Variants in NSUN6 observed in about 807,000 individuals in gnomAD.
The protein encoded by NSUN6 is NOP2/Sun RNA methyltransferase 6.
Under a neutral mutation model 58.0 loss-of-function variants are expected in NSUN6, and 64 were observed. The observed-to-expected ratio is 1.10, with a 90% CI of 0.90 to 1.36. NSUN6 has a LOEUF of 1.36. Among genes scored for constraint, NSUN6 ranks in the 40% most tolerant of loss-of-function variants. NSUN6 has a pLI of 0.00. For missense variants in NSUN6, 701 were observed against 550.1 expected (o/e 1.27, Z -2.74); for synonymous variants, 231 against 193.9 (o/e 1.19, Z -1.59).
intron 8 of NSUN6, among the ~76,000 whole-genome samples, chr10:18,574,077 T>C (rs1334639876): frequency 6.6e-6 from 1 of 152,066 alleles, no homozygotes; most frequent in African/African-American, 2.4e-5. Context: ...TTTGTTAATG[T>C]GGACAGTGGA....
At chr10:18,658,760 T>C (rs373984645), upstream of NSUN6, 2 of 462,314 alleles carry the variant, frequency 4.3e-6, no homozygotes, top group East Asian at 1.5e-4. Flanking sequence ...CCCACCACTT[T>C]GGGAAGTCGA....
At chr10:18,552,242 A>T (rs2054652315) in intron 8 of NSUN6, among the ~76,000 whole-genome samples, 1 of 152,102 alleles carries the variant, frequency 6.6e-6, no homozygotes, top group Non-Finnish European at 1.5e-5. Context: ...TCTACCCCAA[A>T]CTTCAGAAGC....
chr10:18,576,015 T>C (rs1173896587), intron 8 of NSUN6, among the ~76,000 whole-genome samples: 2 of 152,060 alleles, frequency 1.3e-5, no homozygotes, highest in African/African-American at 4.8e-5. Context: ...TCCTAACTAC[T>C]GAAACCACAG....
chr10:18,611,784 T>C (rs188887770), intron 5 of NSUN6, among the ~76,000 whole-genome samples: 49 of 152,094 alleles, frequency 3.2e-4, no homozygotes, highest in African/African-American at 1.0e-3. Context: ...TTGCCCAGAC[T>C]GGCATCAAAC....
At chr10:18,555,172 G>T (rs2054897835) in intron 8 of NSUN6, among the ~76,000 whole-genome samples, 1 of 151,238 alleles carries the variant, frequency 6.6e-6, no homozygotes, top group African/African-American at 2.4e-5. Flanking sequence ...GAATGGAATG[G>T]AGGATGGAAT....
chr10:18,610,136 A>G (rs889017110), intron 5 of NSUN6, among the ~76,000 whole-genome samples: 5 of 152,162 alleles, frequency 3.3e-5, no homozygotes, highest in African/African-American at 1.2e-4. Flanking sequence ...CCCGACCAAC[A>G]TGGAGAAACC....
In NSUN6 at chr10:18,651,514, C is replaced by G. The variant is rs2059705372; in HGVS notation, c.-311G>C. ...AAAAAAAGAAAAAAATGCTTAGTAA[C>G]TGAATCCGTGGTGAAACGGACGCAG... is the stretch of plus-strand genomic sequence containing the variant. On this transcript the variant is annotated 5_prime_UTR_variant, in exon 1 of 11. Coordinates refer to ENST00000377304, the MANE Select transcript of NSUN6 (RefSeq NM_182543.5). The G allele has an allele frequency of 4.8e-6, 5 of 1,045,056 alleles. No homozygotes were observed. Among genetic ancestry groups the G allele is most frequent in the Non-Finnish European group, 5.8e-6 (5 of 869,448 alleles). 64.7% of individuals were successfully genotyped at this position (1,045,056 alleles called of 1,614,324 possible).
At chr10:18,595,636 C>G (rs1314357764) in intron 7 of NSUN6, among the ~76,000 whole-genome samples, 1 of 152,142 alleles carries the variant, frequency 6.6e-6, no homozygotes, top group Admixed American at 6.5e-5. Flanking sequence ...CAAGTATATC[C>G]TCTCTAATGA....
intron 7 of NSUN6, among the ~76,000 whole-genome samples, chr10:18,587,228 C>A (rs1490991632): frequency 6.6e-6 from 1 of 152,196 alleles, no homozygotes; most frequent in African/African-American, 2.4e-5. Flanking sequence ...TCTGGAACAA[C>A]ATGAGCTAAT....
At chr10:18,552,038 T>A in intron 8 of NSUN6, 67 bp from the exon 9 acceptor site, 1 of 849,188 alleles carries the variant, frequency 1.2e-6, no homozygotes, top group Non-Finnish European at 1.8e-6. Context: ...ACTCCTGAGA[T>A]GAGCAGGAAT....
At chr10:18,588,789 T>C (rs1431950416) in intron 7 of NSUN6, among the ~76,000 whole-genome samples, 1 of 152,210 alleles carries the variant, frequency 6.6e-6, no homozygotes, top group Non-Finnish European at 1.5e-5. Flanking sequence ...ATCAAAGGTA[T>C]ATAAATCCAT....
At chr10:18,565,714 T>G (rs1186133448) in intron 8 of NSUN6, among the ~76,000 whole-genome samples, 2 of 150,662 alleles carry the variant, frequency 1.3e-5, no homozygotes, top group African/African-American at 4.9e-5. Context: ...TGCCATTCCA[T>G]TCTCTATTAT....
intron 8 of NSUN6, among the ~76,000 whole-genome samples, chr10:18,569,854 T>C (rs1380721402): frequency 6.7e-6 from 1 of 150,124 alleles, no homozygotes; most frequent in Non-Finnish European, 1.5e-5. Flanking sequence ...TTCCATCCCA[T>C]TCCGCATTCC....
At chr10:18,596,809 A>G (rs1215318686) in intron 6 of NSUN6, among the ~76,000 whole-genome samples, 1 of 152,174 alleles carries the variant, frequency 6.6e-6, no homozygotes, top group Non-Finnish European at 1.5e-5. Flanking sequence ...TAGACATATC[A>G]TCTGAGAGTA....
At chr10:18,636,782 C>T (rs1468649246) in intron 3 of NSUN6, among the ~76,000 whole-genome samples, 1 of 151,856 alleles carries the variant, frequency 6.6e-6, no homozygotes, top group Non-Finnish European at 1.5e-5. Context: ...GTCCCAGCTA[C>T]TCGGGAGGCT....
intron 3 of NSUN6, among the ~76,000 whole-genome samples, chr10:18,627,469 C>A (rs61663155): frequency 1.3e-4 from 20 of 152,142 alleles, no homozygotes; most frequent in Admixed American, 9.1e-4. Context: ...ACGCAGAAGA[C>A]GGGTGATTTC....
intron 5 of NSUN6, among the ~76,000 whole-genome samples, chr10:18,611,543 TTTC>T (rs2058235892): frequency 2.0e-5 from 3 of 152,148 alleles, no homozygotes; most frequent in Non-Finnish European, 2.9e-5. Flanking sequence ...ATTTATTTAT[TTTC>T]AGACACAGGG....
intron 6 of NSUN6, among the ~76,000 whole-genome samples, chr10:18,599,790 A>C (rs776960482): frequency 1.3e-5 from 2 of 152,222 alleles, no homozygotes; most frequent in Non-Finnish European, 2.9e-5. Flanking sequence ...TAAAAAATTC[A>C]GTTTCAGGCA....
chr10:18,642,609 C>T, intron 2 of NSUN6, 54 bp from the exon 3 acceptor site: 1 of 871,752 alleles, frequency 1.1e-6, no homozygotes, highest in Non-Finnish European at 1.9e-6. Context: ...TACATTTCAA[C>T]TTATGGAACT....
Sources: allele counts gnomAD v4.1 joint callset (sites outside exome capture counted in the v4.1 genomes callset), GRCh38; gene constraint gnomAD v4.1.1; transcripts MANE v1.5; gene names NCBI Gene and HGNC (gene_info 2026-07-23, HGNC 2026-07-21).